The following SEC14L5 variants were observed in gnomAD, a reference collection of about 807,000 sequenced individuals.
SEC14L5 encodes SEC14 like lipid binding 5, also known as SEC14-like protein 5.
In SEC14L5, 96 loss-of-function variants were observed where a neutral mutation model predicts 84.6. The ratio of observed to expected loss-of-function variants is 1.13; its 90% CI spans 0.96 to 1.34. The LOEUF (loss-of-function observed/expected upper bound fraction) is 1.34. Among genes scored for constraint, SEC14L5 ranks in the 40% most tolerant of loss-of-function variants. The pLI is 0.00. For synonymous variants in SEC14L5, 546 were observed against 383.4 expected (o/e 1.42, Z -4.95); for missense variants, 1,224 against 942.5 (o/e 1.30, Z -3.91).
rs1955668579 is a variant in SEC14L5 at position 5,000,869 on chromosome 16, C to T, written c.1074C>T (p.Asn358=). The T allele has an allele frequency of 4.4e-6, 7 of 1,606,944 alleles. No individual in the cohort carries two copies. The highest frequency in any genetic ancestry group is 1.3e-5 in the African/African-American group (1 of 74,808). ...CTCCCTTCCAGGTTCTCTCCGTCAA[C>T]GAGGAAGGACAGAAGCGGTGTGAGG... The part of the protein sequence containing the change: ...EALLRHVLSV[N]EEGQKRCEGS... The change falls in exon 10 of 16, where the codon AAC becomes AAT. Residue 358 remains asparagine (N), a synonymous_variant. Transcript: ENST00000251170.
intron 4 of SEC14L5, among the ~76,000 whole-genome samples, chr16:4,989,334 TTTTTG>T (rs1568127289): frequency 6.8e-6 from 1 of 146,116 alleles, no homozygotes; most frequent in African/African-American, 2.5e-5. Flanking sequence ...TTTGTTTTTT[TTTTTG>T]TTTGTTTTTT....
At chr16:4,979,009 C>A (rs1227338416) in intron 2 of SEC14L5, among the ~76,000 whole-genome samples, 1 of 152,202 alleles carries the variant, frequency 6.6e-6, no homozygotes, top group Admixed American at 6.5e-5. Flanking sequence ...TGAGCCACTT[C>A]ACCCGACCTC....
rs1217263650 is a variant in SEC14L5, at chr16:5,008,516, G to C, written c.1668G>C (p.Gln556His). 1 of 1,610,246 alleles carries C rather than the reference G, an allele frequency of 6.2e-7. No homozygotes were observed. The highest frequency in any genetic ancestry group is 8.5e-7 in the Non-Finnish European group (1 of 1,178,696). The change falls in exon 14 of 16, where the codon CAG becomes CAC. Residue 556 changes from glutamine to histidine, a missense_variant. Transcript: ENST00000251170. ...TGTTCAGCCTGTACCACACCAAGCA[G>C]GCGCCCAGGCTGGGCGCCCGGGAAC... Reference protein sequence around the residue: ...DVVFSLYHTKQAPRLGAREPG... With the variant: ...DVVFSLYHTKHAPRLGAREPG...
intron 11 of SEC14L5, 146 bp downstream of exon 11, chr16:5,003,719 A>G (rs1308110934): frequency 3.3e-6 from 2 of 606,292 alleles, no homozygotes; most frequent in Non-Finnish European, 5.7e-6. Flanking sequence ...TAAAGCTCAC[A>G]CTTTTTAAGT....
At chr16:4,964,636 C>G (rs1235456141) in intron 2 of SEC14L5, among the ~76,000 whole-genome samples, 3 of 152,094 alleles carry the variant, frequency 2.0e-5, no homozygotes, top group Non-Finnish European at 4.4e-5. Flanking sequence ...GGCCTCAGCA[C>G]ATTCCCCAAT....
At position 4,958,335 on chromosome 16, in the gene SEC14L5, G is replaced by T. The variant is rs1000137407; in HGVS notation, c.-162G>T. On this transcript the variant is annotated 5_prime_UTR_variant, in exon 1 of 16. Transcript: ENST00000251170. ...CTGTCCCGGGTCCTGGAGCTCTCTC[G>T]GCCCGGCAGGTTTCGCTCCCGCCCC... 6.6e-6 allele frequency: 1 copy of T among 152,504 alleles called. No individual in the cohort carries two copies. Among genetic ancestry groups the T allele is most frequent in the Non-Finnish European group, 1.5e-5 (1 of 68,124 alleles). The allele number at this position is 152,504 out of a possible 1,614,324, so 9.4% of individuals were successfully genotyped here.
chr16:4,995,251 C>G (rs974566752), intron 6 of SEC14L5, among the ~76,000 whole-genome samples: 7 of 152,328 alleles, frequency 4.6e-5, no homozygotes, highest in Admixed American at 2.6e-4. Context: ...TGAGATGCCA[C>G]GAGGCCTCTG....
chr16:4,981,874 C>T (rs1029621860), intron 2 of SEC14L5, among the ~76,000 whole-genome samples: 2 of 152,180 alleles, frequency 1.3e-5, no homozygotes, highest in Non-Finnish European at 2.9e-5. Flanking sequence ...ACCCCTCCAG[C>T]CTCCACTGGC....
intron 2 of SEC14L5, among the ~76,000 whole-genome samples, chr16:4,978,583 T>C (rs1955378186): frequency 6.7e-6 from 1 of 148,190 alleles, no homozygotes; most frequent in Non-Finnish European, 1.5e-5. Flanking sequence ...CACACTTGGG[T>C]AATTTTCTTT....
At position 4,987,589 on chromosome 16, in the gene SEC14L5, G is replaced by C. The variant is rs1955504548; in HGVS notation, c.96G>C (p.Gln32His). The change falls in exon 3 of 16, where the codon CAG becomes CAC. Residue 32 changes from glutamine (Q) to histidine (H), a missense_variant. Physicochemically the swap from Gln to His is conservative, Grantham distance 24. Transcript: ENST00000251170. ...AGAAGCGTTTCCCCACGTGCCCACAGATCCCAGTCTTCCTGGGCAGCGAGG... is the reference window on the plus strand; with the variant it reads ...AGAAGCGTTTCCCCACGTGCCCACACATCCCAGTCTTCCTGGGCAGCGAGG... ...AYEKRFPTCP[Q>H]IPVFLGSEVL... 6.4e-6 allele frequency: 10 copies of C among 1,561,986 alleles called. No homozygotes were observed. The highest frequency in any genetic ancestry group is 1.2e-5 in the South Asian group (1 of 84,788).
intron 11 of SEC14L5, among the ~76,000 whole-genome samples, chr16:5,004,165 G>A (rs1955707225): frequency 6.6e-6 from 1 of 152,212 alleles, no homozygotes; most frequent in South Asian, 2.1e-4. Flanking sequence ...TGAGGAGGCT[G>A]GAAGATGTAC....
chr16:4,966,095 A>G (rs1955197054), intron 2 of SEC14L5, among the ~76,000 whole-genome samples: 1 of 152,098 alleles, frequency 6.6e-6, no homozygotes, highest in Non-Finnish European at 1.5e-5. Flanking sequence ...TAACAAACTC[A>G]TACACAGCAC....
At chr16:4,973,765 C>G (rs1955307173) in intron 2 of SEC14L5, among the ~76,000 whole-genome samples, 1 of 151,254 alleles carries the variant, frequency 6.6e-6, no homozygotes, top group African/African-American at 2.4e-5. Context: ...TCACTGCAAC[C>G]TCCACCTCCC....
chr16:5,003,711 A>G, intron 11 of SEC14L5, 138 bp downstream of exon 11: 1 of 620,372 alleles, frequency 1.6e-6, no homozygotes. Context: ...ACATAGCATA[A>G]AGCTCACACT....
chr16:5,009,718 AC>A (rs1442457557), intron 14 of SEC14L5, among the ~76,000 whole-genome samples: 1 of 151,996 alleles, frequency 6.6e-6, no homozygotes, highest in African/African-American at 2.4e-5. Context: ...ACACTGTTCA[AC>A]CCACTGCATT....
At chr16:5,003,624 G>GGGGGTGCCCCCCC in intron 11 of SEC14L5, 51 bp downstream of exon 11, 1 of 305,312 alleles carries the variant, frequency 3.3e-6, no homozygotes, top group African/African-American at 2.6e-5. Flanking sequence ...GGTGGGATGG[G>GGGGGTGCCCCCCC]AGGGGTTCCG....
intron 2 of SEC14L5, among the ~76,000 whole-genome samples, chr16:4,975,434 C>CT (rs1289167655): frequency 7.3e-6 from 1 of 136,658 alleles, no homozygotes; most frequent in Non-Finnish European, 1.5e-5. Context: ...GATCATGCCA[C>CT]TGCACTCCAG....
intron 2 of SEC14L5, among the ~76,000 whole-genome samples, chr16:4,966,623 C>A (rs559097570): frequency 1.3e-5 from 2 of 152,158 alleles, no homozygotes; most frequent in African/African-American, 4.8e-5. Context: ...ATAGCCACCC[C>A]ATGAGATGAG....
intron 2 of SEC14L5, among the ~76,000 whole-genome samples, chr16:4,982,252 G>T (rs1955432966): frequency 6.6e-6 from 1 of 152,156 alleles, no homozygotes; most frequent in Non-Finnish European, 1.5e-5. Flanking sequence ...CAGGAGGGAA[G>T]GGGGAGGAGG....
Sources: allele counts gnomAD v4.1 joint callset (sites outside exome capture counted in the v4.1 genomes callset), GRCh38; gene constraint gnomAD v4.1.1; transcripts MANE v1.5; gene names NCBI Gene and HGNC (gene_info 2026-07-23, HGNC 2026-07-21).